LYST: variants seen among roughly 807,000 people sequenced by gnomAD.
LYST encodes lysosomal-trafficking regulator.
LYST carries 192 observed loss-of-function variants against 413.6 expected under a neutral mutation model. The ratio of observed to expected loss-of-function variants is 0.46; its 90% confidence interval spans 0.41 to 0.52. The LOEUF is 0.52. Ranked by LOEUF, LYST falls within the 20% of genes least tolerant of loss-of-function variation. The pLI is 0.00. For missense variants in LYST, 3,815 were observed against 4,499.9 expected (o/e 0.85, Z 4.35); for synonymous variants, 1,525 against 1,567.3 (o/e 0.97, Z 0.64).
intron 20 of LYST, among the ~76,000 whole-genome samples, chr1:235,768,328 T>C (rs1386704055): frequency 6.6e-6 from 1 of 152,072 alleles, no homozygotes. Flanking sequence ...ATCTCTCCCA[T>C]ATTTGCTCCC....
At chr1:235,767,549 C>T (rs1357741228) in intron 20 of LYST, among the ~76,000 whole-genome samples, 1 of 152,136 alleles carries the variant, frequency 6.6e-6, no homozygotes, top group African/African-American at 2.4e-5. Context: ...GTTGCAGCAT[C>T]AGTGATTCAT....
At chr1:235,760,067 C>T (rs188635193) in intron 22 of LYST, among the ~76,000 whole-genome samples, 13 of 152,120 alleles carry the variant, frequency 8.5e-5, no homozygotes, top group Admixed American at 6.5e-4. Context: ...TTCTACTGTG[C>T]TGAATTTAAG....
At chr1:235,827,957 C>G in intron 3 of LYST, 1 of 440,718 alleles carries the variant, frequency 2.3e-6, no homozygotes, top group Non-Finnish European at 3.0e-6. Flanking sequence ...AAAAATGGTA[C>G]AAAACTTTTA....
At chr1:235,805,301 A>G (rs191546170) in intron 6 of LYST, among the ~76,000 whole-genome samples, 6 of 152,258 alleles carry the variant, frequency 3.9e-5, no homozygotes, top group African/African-American at 1.4e-4. Context: ...GTGCCCCACA[A>G]TGATTGTCCC....
rs976293335 is a variant in LYST, at chr1:235,674,090, C to T, written c.11038+3001G>A. ...CTCTCGTTACTATTCCCAGAAGTTACAGGCTCTGTGGGTCAGCCCTCCAGA... is the reference window on the plus strand; with the variant it reads ...CTCTCGTTACTATTCCCAGAAGTTATAGGCTCTGTGGGTCAGCCCTCCAGA... On this transcript the variant is annotated intron_variant, in intron 50 of 52. Transcript: ENST00000389793. This position sits in a 1 kb window ranked among gnomAD's most constrained non-coding sequence, Gnocchi z 4.1. 1.3e-5 allele frequency among the ~76,000 whole-genome samples: 2 copies of T among 152,166 alleles called. No homozygotes were observed. The highest frequency in any genetic ancestry group is 4.8e-5 in the African/African-American group (2 of 41,444).
chr1:235,758,120 A>G (rs577120122), intron 23 of LYST, among the ~76,000 whole-genome samples: 1 of 152,206 alleles, frequency 6.6e-6, no homozygotes, highest in Non-Finnish European at 1.5e-5. Context: ...GTGAAAGGAG[A>G]TTTTTTTCAT....
At chr1:235,770,409 CAAA>C in intron 19 of LYST, 112 bp from the exon 20 acceptor site, 1 of 964,952 alleles carries the variant, frequency 1.0e-6, no homozygotes, top group Non-Finnish European at 1.7e-6. Context: ...TATTCAGTAT[CAAA>C]GATTACATGT....
At chr1:235,879,355 G>T (rs1269899199) in intron 1 of LYST, among the ~76,000 whole-genome samples, 5 of 152,212 alleles carry the variant, frequency 3.3e-5, no homozygotes. Context: ...CAAATCTTTG[G>T]CCACTGGGGA....
chr1:235,734,237 A>G (rs1048873482), intron 32 of LYST, among the ~76,000 whole-genome samples: 12 of 152,098 alleles, frequency 7.9e-5, no homozygotes. Context: ...TTGTCACTTT[A>G]AAAATCTTTC....
At chr1:235,828,074 C>G in intron 3 of LYST, 1 of 711,416 alleles carries the variant, frequency 1.4e-6, no homozygotes, top group Non-Finnish European at 1.7e-6. Context: ...CAATAAGATA[C>G]TACTTCATAT....
In LYST at chr1:235,697,292, A is replaced by G. The variant is rs754562005; in HGVS notation, c.10375-20T>C. ...AGGACTCTAAAATGAAGAAAAATAA[A>G]AAGTATGGCTTTTTAAAAGGTGGTA... is the stretch of plus-strand genomic sequence containing the variant. On this transcript the variant is annotated intron_variant, in intron 45 of 52. Coordinates refer to ENST00000389793, the MANE Select transcript of LYST (RefSeq NM_000081.4). The G allele has an allele frequency of 1.9e-6, 3 of 1,589,098 alleles. No homozygotes were observed. The African/African-American group carries it at 4.0e-5, about 21-fold the overall frequency.
intron 1 of LYST, among the ~76,000 whole-genome samples, chr1:235,882,953 C>T (rs1681441997): frequency 6.6e-6 from 1 of 152,168 alleles, no homozygotes; most frequent in Non-Finnish European, 1.5e-5. Flanking sequence ...AGAAAAGTAT[C>T]TGTATTCTCC....
chr1:235,669,731 C>G (rs576744431), intron 50 of LYST, among the ~76,000 whole-genome samples: 29 of 152,342 alleles, frequency 1.9e-4, no homozygotes, highest in African/African-American at 7.0e-4. Flanking sequence ...TGAGCCGCTG[C>G]TTGGGTCCAC....
intron 1 of LYST, among the ~76,000 whole-genome samples, chr1:235,838,147 T>G (rs750165771): frequency 1.8e-4 from 28 of 152,170 alleles, no homozygotes; most frequent in Non-Finnish European, 3.2e-4. Context: ...TTCTATTTTC[T>G]TGGTGCAATA....
At chr1:235,825,181 T>C (rs1336677982) in intron 3 of LYST, among the ~76,000 whole-genome samples, 3 of 152,118 alleles carry the variant, frequency 2.0e-5, no homozygotes, top group African/African-American at 4.8e-5. Context: ...ACTCAACAAA[T>C]TGGGAATGGA....
intron 31 of LYST, chr1:235,736,152 G>T (rs1206626618): frequency 6.6e-6 from 1 of 152,022 alleles, no homozygotes; most frequent in Non-Finnish European, 1.5e-5. Flanking sequence ...ACTTACTGAT[G>T]ATCATTTCAG....
chr1:235,743,370 T>C (rs1411615350), intron 30 of LYST, among the ~76,000 whole-genome samples: 1 of 152,162 alleles, frequency 6.6e-6, no homozygotes, highest in Non-Finnish European at 1.5e-5. Context: ...TGTTCAGAGC[T>C]AAAACACCAA....
intron 1 of LYST, among the ~76,000 whole-genome samples, chr1:235,862,653 G>A (rs889000516): frequency 3.9e-5 from 6 of 151,964 alleles, no homozygotes; most frequent in African/African-American, 7.3e-5. Flanking sequence ...AAAATTAGCC[G>A]GGCATGGTGG....
Position 235,781,899 on chromosome 1 carries a change from T to G in LYST, c.5023+28A>C, listed in dbSNP as rs765327013. 6 of 1,458,242 alleles carry G rather than the reference T, an allele frequency of 4.1e-6. No homozygotes were observed. In the East Asian group the frequency reaches 1.4e-4, roughly 33 times the overall value. The allele number at this position is 1,458,242 out of a possible 1,614,324, so 90.3% of individuals were successfully genotyped here. A position where few individuals can be genotyped will look rare whatever the true frequency, so the allele number is the denominator to read the frequency against. On this transcript the variant is annotated intron_variant, in intron 15 of 52. Coordinates refer to ENST00000389793, the MANE Select transcript of LYST (RefSeq NM_000081.4). ...TCTCACTCTGTCGCCCAGGCTGAAG[T>G]GCAGTGGTGCAATCATAGCTCACTC...
Sources: gnomAD v4.1 joint callset for allele counts (sites outside exome capture counted in the v4.1 genomes callset) on GRCh38, gnomAD v4.1.1 for gene constraint, Gnocchi (gnomAD v3.1) non-coding constraint, MANE v1.5 for transcripts, NCBI Gene and HGNC (gene_info 2026-07-23, HGNC 2026-07-21) for gene names.